Variants in THRAP3 observed in about 807,000 individuals in gnomAD.
THRAP3 encodes the protein thyroid hormone receptor associated protein 3.
THRAP3 carries 16 observed loss-of-function variants against 101.0 expected under a neutral mutation model. The observed-to-expected ratio is 0.16, with a 90% CI of 0.11 to 0.24. The LOEUF (loss-of-function observed/expected upper bound fraction) is 0.24. Ranked by LOEUF, THRAP3 falls within the 10% of genes least tolerant of loss-of-function variation. The pLI, the probability that THRAP3 is intolerant of heterozygous loss-of-function variation, is 1.00. For synonymous variants in THRAP3, 407 were observed against 422.6 expected (o/e 0.96, Z 0.45); for missense variants, 989 against 1,202.7 (o/e 0.82, Z 2.63).
chr1:36,258,131 G>T (rs906064029), intron 1 of THRAP3, among the ~76,000 whole-genome samples: 7 of 151,930 alleles, frequency 4.6e-5, no homozygotes, highest in African/African-American at 1.7e-4. Flanking sequence ...GAGCCACCAC[G>T]CCCGGCTTGG....
intron 1 of THRAP3, among the ~76,000 whole-genome samples, chr1:36,232,642 T>C (rs549571523): frequency 6.6e-6 from 1 of 152,320 alleles, no homozygotes; most frequent in Admixed American, 6.5e-5. Flanking sequence ...GAAAAAAGGA[T>C]GAGTTAATAT....
the THRAP3 span, among the ~76,000 whole-genome samples, chr1:36,218,150 A>T: frequency 6.8e-6 from 1 of 146,812 alleles, no homozygotes; most frequent in Non-Finnish European, 1.5e-5. Flanking sequence ...GGATCACTTG[A>T]GGTCAGGAGT....
chr1:36,247,595 G>C (rs1214599403), intron 1 of THRAP3, among the ~76,000 whole-genome samples: 2 of 151,896 alleles, frequency 1.3e-5, no homozygotes, highest in Non-Finnish European at 1.5e-5. Context: ...CAAAGTGTTG[G>C]GATTACAGGT....
intron 2 of THRAP3, among the ~76,000 whole-genome samples, chr1:36,266,936 A>G (rs946003511): frequency 2.0e-5 from 3 of 151,772 alleles, no homozygotes; most frequent in Non-Finnish European, 4.4e-5. Flanking sequence ...GCTGGAGTGC[A>G]GTGGCACGAT....
chr1:36,281,930 G>A (rs1426794189), intron 2 of THRAP3, among the ~76,000 whole-genome samples: 3 of 152,152 alleles, frequency 2.0e-5, no homozygotes, highest in South Asian at 4.2e-4. Flanking sequence ...AAAATTAGCC[G>A]GGCATGGTGG....
chr1:36,218,414 C>CAAAAAAAAAAAAAA, the THRAP3 span, among the ~76,000 whole-genome samples: 2 of 40,102 alleles, frequency 5.0e-5, 1 homozygote, highest in African/African-American at 1.8e-4. Flanking sequence ...GACTCTGTCT[C>CAAAAAAAAAAAAAA]AAAAAAAAAA....
At chr1:36,239,741 G>A (rs1645132828) in intron 1 of THRAP3, among the ~76,000 whole-genome samples, 1 of 152,146 alleles carries the variant, frequency 6.6e-6, no homozygotes, top group Admixed American at 6.5e-5. Flanking sequence ...TGAAACAATT[G>A]TACAGTACAG....
Position 36,293,861 on chromosome 1 carries a change from A to C in THRAP3, c.2041A>C (p.Ile681Leu). The C allele has an allele frequency of 6.2e-7, 1 of 1,613,338 alleles. No individual in the cohort carries two copies. ...KSPEIHRRID[I>L]SPSTFRKHGL... ...TATTTTCAATTTTAGGAGAATAGAC[A>C]TTTCCCCCAGTACATTCAGAAAACA... Residue 681 changes from isoleucine to leucine, a missense_variant, in exon 8 of 12, where the codon ATT becomes CTT. Physicochemically the swap from Ile to Leu is conservative, Grantham distance 5. Transcript: ENST00000354618.
At chr1:36,260,071 G>A (rs1386074518) in intron 2 of THRAP3, among the ~76,000 whole-genome samples, 3 of 151,544 alleles carry the variant, frequency 2.0e-5, no homozygotes, top group South Asian at 2.1e-4. Flanking sequence ...GTGAAACCCC[G>A]TCTCTACTAA....
rs777086281 is a variant in THRAP3 at position 36,287,112 on chromosome 1, G to C, written c.882G>C (p.Gln294His). The C allele has an allele frequency of 6.2e-7, 1 of 1,614,066 alleles. No homozygotes were observed. The highest frequency in any genetic ancestry group is 1.3e-5 in the African/African-American group (1 of 74,904). ...CTCTGCCGAGTGGTGCCGGGTATCAGTCTGGGACACACCAAGGTCAGTTCG... is the reference window on the plus strand; with the variant it reads ...CTCTGCCGAGTGGTGCCGGGTATCACTCTGGGACACACCAAGGTCAGTTCG... ...GSTLPSGAGY[Q>H]SGTHQGQFDH... The change falls in exon 4 of 12, where the codon CAG becomes CAC. Residue 294 changes from glutamine (Q) to histidine (H), a missense_variant. Gln to His is a conservative substitution (Grantham distance 24). Coordinates refer to ENST00000354618, the MANE Select transcript of THRAP3 (RefSeq NM_005119.4).
intron 1 of THRAP3, among the ~76,000 whole-genome samples, chr1:36,242,526 C>G (rs1433263048): frequency 6.7e-6 from 1 of 148,698 alleles, no homozygotes; most frequent in Non-Finnish European, 1.5e-5. Context: ...GATCTCCGCT[C>G]ACTGCAAGCT....
intron 1 of THRAP3, among the ~76,000 whole-genome samples, chr1:36,226,077 T>A (rs1231291437): frequency 2.6e-5 from 4 of 152,182 alleles, no homozygotes; most frequent in Non-Finnish European, 5.9e-5. Context: ...CACCTTAGTG[T>A]ATTTATTTAA....
At chr1:36,229,818 A>G (rs751395816) in intron 1 of THRAP3, among the ~76,000 whole-genome samples, 7 of 151,094 alleles carry the variant, frequency 4.6e-5, no homozygotes, top group African/African-American at 1.7e-4. Context: ...ATGCCCAGCT[A>G]ATTTTGTATT....
At chr1:36,221,958 C>T (rs1457244572), upstream of THRAP3, among the ~76,000 whole-genome samples, 2 of 151,966 alleles carry the variant, frequency 1.3e-5, no homozygotes, top group South Asian at 2.1e-4. Flanking sequence ...TACAGGTGCC[C>T]GCCAGCATGC....
chr1:36,234,394 G>A (rs1318750353), intron 1 of THRAP3, among the ~76,000 whole-genome samples: 2 of 152,152 alleles, frequency 1.3e-5, no homozygotes, highest in East Asian at 3.8e-4. Flanking sequence ...GATGGTGGTT[G>A]AAAAAATTCA....
intron 1 of THRAP3, among the ~76,000 whole-genome samples, chr1:36,257,994 C>T (rs899859994): frequency 6.6e-6 from 1 of 152,188 alleles, no homozygotes; most frequent in Non-Finnish European, 1.5e-5. Context: ...CCATGTGCCA[C>T]CATGCCCGGC....
chr1:36,293,556 A>G (rs1645905464), intron 7 of THRAP3, among the ~76,000 whole-genome samples: 1 of 151,614 alleles, frequency 6.6e-6, no homozygotes, highest in African/African-American at 2.4e-5. Flanking sequence ...CTTTGAGGCT[A>G]TGGGTGAGTC....
At chr1:36,291,615 A>G in intron 6 of THRAP3, 69 bp downstream of exon 6, 1 of 1,559,356 alleles carries the variant, frequency 6.4e-7, no homozygotes, top group South Asian at 1.2e-5. Context: ...TGATGGGTGG[A>G]TAAGGAGTTT....
chr1:36,256,026 T>C (rs1645369640), intron 1 of THRAP3, among the ~76,000 whole-genome samples: 1 of 151,834 alleles, frequency 6.6e-6, no homozygotes, highest in Admixed American at 6.6e-5. Flanking sequence ...TATTATTTTA[T>C]TCTTTTTTGA....
Sources: gnomAD v4.1 joint callset for allele counts (sites outside exome capture counted in the v4.1 genomes callset) on GRCh38, gnomAD v4.1.1 for gene constraint, MANE v1.5 for transcripts, NCBI Gene and HGNC (gene_info 2026-07-23, HGNC 2026-07-21) for gene names.